MCF2L2: variants seen among roughly 807,000 people sequenced by gnomAD.
The protein encoded by MCF2L2 is probable guanine nucleotide exchange factor MCF2L2.
In MCF2L2, 102 loss-of-function variants were observed where a neutral mutation model predicts 150.2. The ratio of observed to expected loss-of-function variants is 0.68; its 90% CI spans 0.58 to 0.80. MCF2L2 has a LOEUF of 0.80. Ranked by LOEUF, MCF2L2 falls within the 30% of genes least tolerant of loss-of-function variation. The pLI, the probability that MCF2L2 is intolerant of heterozygous loss-of-function variation, is 0.00. For missense variants in MCF2L2, 1,256 were observed against 1,372.8 expected (o/e 0.91, Z 1.34); for synonymous variants, 465 against 491.3 (o/e 0.95, Z 0.71).
chr3:183,189,648 CAGA>C (rs1238338836), intron 27 of MCF2L2, among the ~76,000 whole-genome samples: 1 of 152,116 alleles, frequency 6.6e-6, no homozygotes, highest in African/African-American at 2.4e-5. Context: ...TCCTGGTCAT[CAGA>C]AGGAGGTACT....
intron 15 of MCF2L2, among the ~76,000 whole-genome samples, chr3:183,252,701 C>T (rs776747442): frequency 2.0e-5 from 3 of 152,192 alleles, no homozygotes; most frequent in African/African-American, 7.2e-5. Context: ...TAACTCATTA[C>T]CTGTCTTGTT....
chr3:183,213,108 C>T (rs1444382443), intron 22 of MCF2L2, among the ~76,000 whole-genome samples: 1 of 152,042 alleles, frequency 6.6e-6, no homozygotes, highest in African/African-American at 2.4e-5. Flanking sequence ...AATGAACTTA[C>T]AATACAAGTA....
chr3:183,215,552 T>C (rs144841041), intron 22 of MCF2L2, among the ~76,000 whole-genome samples: 27 of 152,344 alleles, frequency 1.8e-4, no homozygotes, highest in Non-Finnish European at 3.5e-4. Context: ...GGATCTGTGA[T>C]ATAAAATTGG....
chr3:183,402,931 A>G (rs1386295892), intron 1 of MCF2L2, among the ~76,000 whole-genome samples: 1 of 62,592 alleles, frequency 1.6e-5, no homozygotes, highest in Non-Finnish European at 3.9e-5. Flanking sequence ...AAGATACTTA[A>G]AAAAAAAACA....
At chr3:183,216,668 G>A (rs1722956936) in intron 21 of MCF2L2, among the ~76,000 whole-genome samples, 1 of 135,618 alleles carries the variant, frequency 7.4e-6, no homozygotes, top group Non-Finnish European at 1.5e-5. Context: ...GCAGAGGCAC[G>A]ATCTCGGCTC....
At chr3:183,311,982 T>A (rs745898280) in intron 7 of MCF2L2, among the ~76,000 whole-genome samples, 40 of 152,128 alleles carry the variant, frequency 2.6e-4, no homozygotes, top group Non-Finnish European at 4.6e-4. Context: ...AGGGTATACA[T>A]CAAAAAAAGT....
chr3:183,286,663 C>T lies in MCF2L2; in HGVS notation c.1776+2457G>A, dbSNP rs559954751. ...CATTTATTGGTCCTAAATTCATTCCCAAGTCTAGGATTTGGGGATTTAGTG... is the reference window on the plus strand; with the variant it reads ...CATTTATTGGTCCTAAATTCATTCCTAAGTCTAGGATTTGGGGATTTAGTG... On this transcript the variant is annotated intron_variant, in intron 14 of 29. Coordinates refer to ENST00000328913, the MANE Select transcript of MCF2L2 (RefSeq NM_015078.4). Among the ~76,000 whole-genome samples, 80 of 152,298 alleles carry T rather than the reference C, an allele frequency of 5.3e-4. 1 individual carries two copies. The highest frequency in any genetic ancestry group is 1.9e-3 in the African/African-American group (78 of 41,556).
chr3:183,390,672 G>C (rs1317599214), intron 1 of MCF2L2, among the ~76,000 whole-genome samples: 1 of 152,202 alleles, frequency 6.6e-6, no homozygotes, highest in African/African-American at 2.4e-5. Context: ...CGAGGGGGAA[G>C]GACTATTTGA....
chr3:183,423,715 C>T (rs142802570), intron 1 of MCF2L2, among the ~76,000 whole-genome samples: 4,184 of 149,504 alleles, frequency 0.028, 194 homozygotes, highest in African/African-American at 0.098. Context: ...CTCAGCTCAC[C>T]GCAACCTCCG....
At chr3:183,207,517 A>G in intron 23 of MCF2L2, 91 bp downstream of exon 23, 1 of 999,380 alleles carries the variant, frequency 1.0e-6, no homozygotes, top group Non-Finnish European at 1.5e-6. Context: ...TCACCTCTCT[A>G]CACTGCAGCT....
chr3:183,387,886 C>T (rs187669401), intron 2 of MCF2L2, among the ~76,000 whole-genome samples: 24 of 134,688 alleles, frequency 1.8e-4, no homozygotes, highest in South Asian at 1.6e-3. Context: ...GAGTTGAGAT[C>T]GTGCTATTGC....
intron 20 of MCF2L2, among the ~76,000 whole-genome samples, chr3:183,220,650 G>A (rs1723115076): frequency 6.6e-6 from 1 of 152,158 alleles, no homozygotes; most frequent in African/African-American, 2.4e-5. Context: ...GTATAGGAAA[G>A]CCTGTCTCAC....
At chr3:183,210,534 G>A (rs561456692) in intron 22 of MCF2L2, among the ~76,000 whole-genome samples, 2 of 152,250 alleles carry the variant, frequency 1.3e-5, no homozygotes, top group South Asian at 2.1e-4. Flanking sequence ...CCTCAACCAC[G>A]CCCTATGATA....
At chr3:183,333,961 C>CAAAAAAAAAAAAAAAAAAA (rs57368442) in intron 5 of MCF2L2, among the ~76,000 whole-genome samples, 2 of 95,012 alleles carry the variant, frequency 2.1e-5, no homozygotes, top group Non-Finnish European at 2.6e-5. Flanking sequence ...AAGGAAGTGC[C>CAAAAAAAAAAAAAAAAAAA]AAAAAAAAAA....
At chr3:183,252,466 A>T (rs1281745561) in intron 15 of MCF2L2, among the ~76,000 whole-genome samples, 3 of 152,244 alleles carry the variant, frequency 2.0e-5, no homozygotes, top group Non-Finnish European at 2.9e-5. Context: ...AAAGCAATTT[A>T]AAAACTTCCT....
intron 11 of MCF2L2, chr3:183,298,297 A>G (rs1182033834): frequency 6.6e-6 from 1 of 152,228 alleles, no homozygotes; most frequent in African/African-American, 2.4e-5. Flanking sequence ...TTCCAGTGCC[A>G]ATACCTCTGC....
chr3:183,343,231 A>G (rs548102863), intron 3 of MCF2L2, among the ~76,000 whole-genome samples: 1 of 152,340 alleles, frequency 6.6e-6, no homozygotes, highest in Non-Finnish European at 1.5e-5. Context: ...ATATAAATGA[A>G]CAAATTCCAG....
intron 15 of MCF2L2, chr3:183,271,042 T>C: frequency 1.9e-6 from 2 of 1,074,914 alleles, no homozygotes; most frequent in Non-Finnish European, 2.6e-6. Flanking sequence ...GAAAGACAAA[T>C]ATTTTGAAAG....
chr3:183,318,125 G>A lies in MCF2L2; in HGVS notation c.696C>T (p.Ser232=), dbSNP rs1479979532. ...TGAGAAGGTCTTCCGTGGATAGCAT[G>A]CTTCTGGGCAGCTCTGCTGTGGCCA... ...SCLATAELPR[S]MLSTEDLLMS... is the part of the protein sequence containing the mutation. Residue 232 remains serine, a synonymous_variant, in exon 7 of 30, where the codon AGC becomes AGT. Transcript: ENST00000328913. 1.9e-6 allele frequency: 3 copies of A among 1,614,218 alleles called. No homozygotes were observed. The highest frequency in any genetic ancestry group is 1.7e-5 in the Admixed American group (1 of 60,032).
Sources: gnomAD v4.1 joint callset for allele counts (sites outside exome capture counted in the v4.1 genomes callset) on GRCh38, gnomAD v4.1.1 for gene constraint, MANE v1.5 for transcripts, NCBI Gene and HGNC (gene_info 2026-07-23, HGNC 2026-07-21) for gene names.